Variants in IL17B observed in about 807,000 individuals in gnomAD.
IL17B encodes the protein interleukin 17B.
In IL17B, 14 loss-of-function variants were observed where a neutral mutation model predicts 14.7. The observed-to-expected ratio is 0.95, with a 90% CI of 0.63 to 1.49. The LOEUF is 1.49. Ranked by LOEUF, IL17B falls within the 40% of genes most tolerant of loss-of-function variation. IL17B has a pLI of 0.00. For missense variants in IL17B, 233 were observed against 252.8 expected, an observed-to-expected ratio of 0.92 and a Z score of 0.53; for synonymous variants, 105 against 94.8, an observed-to-expected ratio of 1.11 and a Z score of -0.62.
intron 1 of IL17B, among the ~76,000 whole-genome samples, chr5:149,391,370 T>A (rs1758949962): frequency 6.6e-6 from 1 of 152,182 alleles, no homozygotes; most frequent in African/African-American, 2.4e-5. Flanking sequence ...CTTAGAGGCA[T>A]GGAGAACCTC....
intron 1 of IL17B, among the ~76,000 whole-genome samples, chr5:149,385,214 A>C (rs1230388380): frequency 1.3e-5 from 2 of 151,406 alleles, no homozygotes; most frequent in African/African-American, 2.4e-5. Flanking sequence ...AATTAGCCGG[A>C]CGTGGTGGCG....
upstream of IL17B, among the ~76,000 whole-genome samples, chr5:149,381,732 C>A (rs570362026): frequency 3.9e-5 from 6 of 152,316 alleles, no homozygotes; most frequent in South Asian, 1.2e-3. Flanking sequence ...AGGAGGGAGA[C>A]CCCTTCTTCC....
chr5:149,399,496 T>TA (rs397941230), intron 1 of IL17B, among the ~76,000 whole-genome samples: 1 of 152,036 alleles, frequency 6.6e-6, no homozygotes, highest in African/African-American at 2.4e-5. Context: ...TCTTTTTTTT[T>TA]AATCTCTGTA....
chr5:149,384,243 A>T (rs899172046), upstream of IL17B, among the ~76,000 whole-genome samples: 4 of 152,138 alleles, frequency 2.6e-5, no homozygotes, highest in African/African-American at 4.8e-5. Context: ...TGGTGGTTGG[A>T]CATTTGCCCT....
chr5:149,384,242 G>A (rs1361987430), upstream of IL17B, among the ~76,000 whole-genome samples: 1 of 152,140 alleles, frequency 6.6e-6, no homozygotes, highest in Non-Finnish European at 1.5e-5. Flanking sequence ...ATGGTGGTTG[G>A]ACATTTGCCC....
In IL17B at chr5:149,376,833, G is replaced by C; in HGVS notation, c.214C>G (p.Gln72Glu). ...YERNIEEMVAQLRNSSELAQR... is the reference protein window; with the variant it reads ...YERNIEEMVAELRNSSELAQR... ...GCCAGCTCTGAGCTGTTCCTCAGCT[G>C]GGCCACCATCTCCTCGATGTTCCTC... The change falls in exon 2 of 3, where the codon CAG (glutamine) becomes GAG (glutamate). Residue 72 changes from glutamine to glutamate, a missense_variant. Gln to Glu is a conservative substitution (Grantham distance 29). Coordinates refer to ENST00000261796, the MANE Select transcript of IL17B (RefSeq NM_014443.3). The C allele has an allele frequency of 6.2e-7, 1 of 1,614,156 alleles. No individual in the cohort carries two copies. The highest frequency in any genetic ancestry group is 8.5e-7 in the Non-Finnish European group (1 of 1,180,010).
chr5:149,377,157 C>G lies in IL17B; in HGVS notation c.22-132G>C. The G allele has an allele frequency of 1.2e-5, 8 of 680,516 alleles. No individual in the cohort carries two copies. The South Asian group carries it at 1.7e-4, about 14-fold the overall frequency. The allele number at this position is 680,516 out of a possible 1,614,324, so 42.2% of individuals were successfully genotyped here. A position where few individuals can be genotyped will look rare whatever the true frequency, so the allele number is the denominator to read the frequency against. On this transcript the variant is annotated intron_variant, in intron 1 of 2. Transcript: ENST00000261796. ...CAGGTCTGACTCTGCCTACCATCCC[C>G]CAGCTCTCCCTCCTCAGATTACCCC... is the stretch of plus-strand genomic sequence containing the variant.
At position 149,395,553 on chromosome 5, in the gene IL17B, AG is replaced by A. The variant is rs1231922750; in HGVS notation, n.95+8554del. Among the ~76,000 whole-genome samples, 3 of 152,362 alleles carry A rather than the reference AG, an allele frequency of 2.0e-5. No individual in the cohort carries two copies. The East Asian group carries it at 5.8e-4, about 29-fold the overall frequency. ...GCACATAATTACTTTTGAACAGGTC[AG>A]TGATTTCACTAGCTTCTTCAGGCAA... On this transcript the variant is annotated intron_variant and non_coding_transcript_variant, in intron 1 of 2. Transcript: ENST00000505432.
At chr5:149,376,062 G>T (rs1758522070) in intron 2 of IL17B, among the ~76,000 whole-genome samples, 1 of 152,132 alleles carries the variant, frequency 6.6e-6, no homozygotes, top group Non-Finnish European at 1.5e-5. Flanking sequence ...AAAATCTCTG[G>T]CCTGGGTTTG....
In IL17B at chr5:149,376,810, C is replaced by T. The variant is rs1215479649; in HGVS notation, c.237G>A (p.Leu79=). The T allele has an allele frequency of 1.2e-6, 2 of 1,613,886 alleles. No homozygotes were observed. Among genetic ancestry groups the T allele is most frequent in the Non-Finnish European group, 1.7e-6 (2 of 1,179,894 alleles). ...AGTTGACCTCACACTTTCTCTGGGC[C>T]AGCTCTGAGCTGTTCCTCAGCTGGG... is the stretch of plus-strand genomic sequence containing the variant. ...MVAQLRNSSE[L]AQRKCEVNLQ... The change falls in exon 2 of 3, where the codon CTG becomes CTA. Residue 79 remains leucine (L), a synonymous_variant. Coordinates refer to ENST00000261796, the MANE Select transcript of IL17B (RefSeq NM_014443.3).
chr5:149,396,917 A>C (rs920653538), intron 1 of IL17B, among the ~76,000 whole-genome samples: 2 of 152,186 alleles, frequency 1.3e-5, no homozygotes, highest in African/African-American at 4.8e-5. Flanking sequence ...GCGTTTTTTT[A>C]AGGCAAGCAT....
At chr5:149,384,312 CG>C (rs1463465580) in intron 1 of IL17B, among the ~76,000 whole-genome samples, 5 of 152,148 alleles carry the variant, frequency 3.3e-5, no homozygotes, top group African/African-American at 1.2e-4. Flanking sequence ...CGTTTCCTCA[CG>C]GGGTTGTTAA....
intron 1 of IL17B, among the ~76,000 whole-genome samples, chr5:149,390,762 T>C (rs1235284697): frequency 6.6e-5 from 10 of 152,150 alleles, no homozygotes; most frequent in Admixed American, 6.6e-4. Flanking sequence ...TTTTTACCTC[T>C]GTCTTTTCTC....
At chr5:149,400,904 C>T (rs1424150633) in intron 1 of IL17B, among the ~76,000 whole-genome samples, 1 of 152,154 alleles carries the variant, frequency 6.6e-6, no homozygotes, top group African/African-American at 2.4e-5. Flanking sequence ...AGAGAATTCA[C>T]CCCTCCTCCA....
At chr5:149,403,314 G>A (rs1759253136) in intron 1 of IL17B, among the ~76,000 whole-genome samples, 1 of 151,962 alleles carries the variant, frequency 6.6e-6, no homozygotes, top group Admixed American at 6.5e-5. Flanking sequence ...TCAAACTCCT[G>A]GGCTCAAGAG....
upstream of IL17B, among the ~76,000 whole-genome samples, chr5:149,381,895 G>C (rs887202690): frequency 1.3e-5 from 2 of 152,192 alleles, no homozygotes; most frequent in South Asian, 4.1e-4. Context: ...CCCACCCCAC[G>C]AGTGAGGCTG....
intron 1 of IL17B, among the ~76,000 whole-genome samples, chr5:149,395,741 C>T (rs377660264): frequency 3.9e-5 from 6 of 152,110 alleles, no homozygotes; most frequent in Admixed American, 2.0e-4. Context: ...GGTGCAATCT[C>T]GGCTCACTGC....
upstream of IL17B, among the ~76,000 whole-genome samples, chr5:149,383,966 C>G (rs936488302): frequency 5.3e-5 from 8 of 152,208 alleles, no homozygotes; most frequent in African/African-American, 1.7e-4. Flanking sequence ...CAAATTGACT[C>G]TACACTGTAC....
In IL17B at chr5:149,374,274, CAA is replaced by C. The variant is rs1758454759; in HGVS notation, c.*93_*94del. 9.5e-6 allele frequency: 12 copies of C among 1,269,044 alleles called. No homozygotes were observed. Among genetic ancestry groups the C allele is most frequent in the Non-Finnish European group, 1.3e-5 (12 of 940,036 alleles). 78.6% of individuals were successfully genotyped at this position (1,269,044 alleles called of 1,614,324 possible). ...AAAAGCAAACCCAAAGTCTTGCTTT[CAA>C]AAGTCAGTGTTTACTTTTCATAGGC... On this transcript the variant is annotated 3_prime_UTR_variant, in exon 3 of 3. Transcript: ENST00000261796. This position sits in a 1 kb window ranked among gnomAD's most constrained non-coding sequence, Gnocchi z 5.0.
Sources: allele counts gnomAD v4.1 joint callset (sites outside exome capture counted in the v4.1 genomes callset), GRCh38; gene constraint gnomAD v4.1.1; non-coding constraint Gnocchi (gnomAD v3.1); transcripts MANE v1.5; gene names NCBI Gene and HGNC (gene_info 2026-07-23, HGNC 2026-07-21).